The following CSMD1 variants were observed in gnomAD, a reference collection of about 807,000 sequenced individuals.
The protein encoded by CSMD1 is CUB and Sushi multiple domains 1.
Under a neutral mutation model 417.5 loss-of-function variants are expected in CSMD1, and 213 were observed. The ratio of observed to expected loss-of-function variants is 0.51; its 90% CI spans 0.46 to 0.57. The LOEUF is 0.57. Ranked by LOEUF, CSMD1 falls within the 20% of genes least tolerant of loss-of-function variation. The pLI is 0.00. For missense variants in CSMD1, 6,923 were observed against 4,529.7 expected (o/e 1.53, Z -15.17); for synonymous variants, 2,862 against 1,736.8 (o/e 1.65, Z -16.11).
At chr8:4,070,626 G>A (rs553676161) in intron 3 of CSMD1, among the ~76,000 whole-genome samples, 4 of 152,006 alleles carry the variant, frequency 2.6e-5, no homozygotes, top group Admixed American at 2.0e-4. Flanking sequence ...CAAAGTGCTG[G>A]GATTACAGGC....
chr8:4,725,895 G>C (rs1479995845), intron 1 of CSMD1, among the ~76,000 whole-genome samples: 2 of 152,192 alleles, frequency 1.3e-5, no homozygotes, highest in East Asian at 1.9e-4. Flanking sequence ...TGTGGGACTG[G>C]GTTCACATTC....
chr8:4,201,723 T>A (rs1165492020), intron 3 of CSMD1, among the ~76,000 whole-genome samples: 2 of 151,938 alleles, frequency 1.3e-5, no homozygotes, highest in African/African-American at 4.8e-5. Context: ...GGAAAAATAG[T>A]TTGAAAAACA....
intron 7 of CSMD1, among the ~76,000 whole-genome samples, chr8:3,646,337 T>C (rs150061601): frequency 7.9e-4 from 121 of 152,292 alleles, no homozygotes; most frequent in African/African-American, 2.4e-3. Flanking sequence ...TATTAAAACA[T>C]TGAATATTTT....
intron 25 of CSMD1, among the ~76,000 whole-genome samples, chr8:3,300,958 CA>C (rs374180480): frequency 1.8e-3 from 93 of 50,594 alleles, no homozygotes; most frequent in East Asian, 8.8e-3. Flanking sequence ...GACTCTGTCT[CA>C]AAAAAAAAAA....
intron 12 of CSMD1, among the ~76,000 whole-genome samples, chr8:3,452,953 T>C (rs1015798624): frequency 1.3e-5 from 2 of 152,270 alleles, no homozygotes; most frequent in South Asian, 2.1e-4. Context: ...TTTCTGGACT[T>C]TTTTTGGTTG....
At chr8:3,126,670 G>T (rs1311866241) in intron 41 of CSMD1, among the ~76,000 whole-genome samples, 3 of 152,090 alleles carry the variant, frequency 2.0e-5, no homozygotes, top group Non-Finnish European at 4.4e-5. Context: ...TATAACCAAG[G>T]ATATCACCCT....
intron 3 of CSMD1, among the ~76,000 whole-genome samples, chr8:4,164,469 A>C (rs1387937315): frequency 6.6e-6 from 1 of 152,106 alleles, no homozygotes; most frequent in Non-Finnish European, 1.5e-5. Context: ...CCAGAAATGA[A>C]CCCCTAAACT....
chr8:4,548,828 G>T (rs1442492111), intron 2 of CSMD1, among the ~76,000 whole-genome samples: 1 of 152,088 alleles, frequency 6.6e-6, no homozygotes, highest in South Asian at 2.1e-4. Context: ...AGAGCATACT[G>T]CCTTGGTCTT....
At chr8:4,573,317 T>C (rs556132458) in intron 2 of CSMD1, among the ~76,000 whole-genome samples, 1 of 152,336 alleles carries the variant, frequency 6.6e-6, no homozygotes, top group African/African-American at 2.4e-5. Flanking sequence ...TGGGCATCCT[T>C]TTTGTTAATG....
chr8:4,804,273 G>A (rs188890112), intron 1 of CSMD1, among the ~76,000 whole-genome samples: 9 of 152,154 alleles, frequency 5.9e-5, no homozygotes, highest in South Asian at 4.1e-4. Flanking sequence ...TCTAATTATT[G>A]AAGCTGGAAA....
intron 3 of CSMD1, among the ~76,000 whole-genome samples, chr8:4,168,827 C>G (rs1047059964): frequency 6.6e-6 from 1 of 152,098 alleles, no homozygotes; most frequent in Admixed American, 6.5e-5. Context: ...TTCATTCCGG[C>G]TCTCTGTTGT....
At chr8:4,851,399 T>C (rs1434347123) in intron 1 of CSMD1, among the ~76,000 whole-genome samples, 1 of 152,128 alleles carries the variant, frequency 6.6e-6, no homozygotes, top group Non-Finnish European at 1.5e-5. Flanking sequence ...TTTCCTTTTT[T>C]GTTTTTTTCC....
chr8:4,441,552 C>G (rs1297642909), intron 2 of CSMD1, among the ~76,000 whole-genome samples: 1 of 152,040 alleles, frequency 6.6e-6, no homozygotes, highest in Non-Finnish European at 1.5e-5. Flanking sequence ...CATAGAAGCA[C>G]ATGAAAGCCT....
At chr8:4,753,253 CA>C (rs1308372594) in intron 1 of CSMD1, among the ~76,000 whole-genome samples, 1 of 151,450 alleles carries the variant, frequency 6.6e-6, no homozygotes, top group Non-Finnish European at 1.5e-5. Flanking sequence ...GGCTGAGTCA[CA>C]AAAGAAAATT....
intron 3 of CSMD1, among the ~76,000 whole-genome samples, chr8:4,173,030 C>A (rs1250231213): frequency 6.6e-6 from 1 of 152,062 alleles, no homozygotes; most frequent in Non-Finnish European, 1.5e-5. Flanking sequence ...TATTTTAGCC[C>A]CTAATATTGC....
intron 5 of CSMD1, among the ~76,000 whole-genome samples, chr8:3,822,183 A>T (rs1383441385): frequency 1.3e-5 from 2 of 152,148 alleles, no homozygotes; most frequent in African/African-American, 2.4e-5. Context: ...TCGTTTAAGC[A>T]CTGCTAGTCA....
chr8:4,181,598 G>T (rs1020506553), intron 3 of CSMD1, among the ~76,000 whole-genome samples: 1 of 152,138 alleles, frequency 6.6e-6, no homozygotes, highest in Non-Finnish European at 1.5e-5. Flanking sequence ...GGAAAAGCTT[G>T]CTATAAGGCT....
At chr8:3,792,738 G>A (rs1441549080) in intron 5 of CSMD1, among the ~76,000 whole-genome samples, 2 of 152,110 alleles carry the variant, frequency 1.3e-5, no homozygotes, top group Non-Finnish European at 2.9e-5. Context: ...CAACCAGAAT[G>A]CTCATTTTCT....
At chr8:4,119,664 T>C (rs10441643) in intron 3 of CSMD1, among the ~76,000 whole-genome samples, 150,649 of 152,278 alleles carry the variant, frequency 0.99, 74,543 homozygotes, top group East Asian at 1. Context: ...AAGCACACAC[T>C]TGCAAGCCAG....
Sources: gnomAD v4.1 joint callset for allele counts (sites outside exome capture counted in the v4.1 genomes callset) on GRCh38, gnomAD v4.1.1 for gene constraint, MANE v1.5 for transcripts, NCBI Gene and HGNC (gene_info 2026-07-23, HGNC 2026-07-21) for gene names.